Variants in ADAMTS6 observed in about 807,000 individuals in gnomAD.
ADAMTS6 encodes A disintegrin and metalloproteinase with thrombospondin motifs 6.
ADAMTS6 carries 23 observed loss-of-function variants against 144.3 expected under a neutral mutation model. That is an observed-to-expected ratio of 0.16 (90% confidence interval 0.11 to 0.23). The LOEUF (loss-of-function observed/expected upper bound fraction) is 0.23. Among genes scored for constraint, ADAMTS6 ranks in the 10% least tolerant of loss-of-function variants. The pLI is 1.00. For missense variants in ADAMTS6, 999 were observed against 1,379.6 expected (o/e 0.72, Z 4.37); for synonymous variants, 444 against 457.5 (o/e 0.97, Z 0.38).
At chr5:65,479,895 G>A (rs1324535952) in intron 1 of ADAMTS6, among the ~76,000 whole-genome samples, 1 of 152,158 alleles carries the variant, frequency 6.6e-6, no homozygotes, top group Non-Finnish European at 1.5e-5. Flanking sequence ...TGTGGCAAAT[G>A]AATGAATTTG....
At chr5:65,275,634 C>T (rs1762474196) in intron 11 of ADAMTS6, among the ~76,000 whole-genome samples, 2 of 151,508 alleles carry the variant, frequency 1.3e-5, no homozygotes, top group African/African-American at 4.8e-5. Flanking sequence ...TTTAAACCTG[C>T]AGGTTCTGCA....
At chr5:65,474,528 T>C (rs955971717) in intron 1 of ADAMTS6, among the ~76,000 whole-genome samples, 1 of 152,066 alleles carries the variant, frequency 6.6e-6, no homozygotes, top group Non-Finnish European at 1.5e-5. Flanking sequence ...TCGGAAGTCT[T>C]ATGTGACTTA....
chr5:65,383,678 C>CT (rs1304110739), intron 7 of ADAMTS6, among the ~76,000 whole-genome samples: 1 of 152,132 alleles, frequency 6.6e-6, no homozygotes, highest in Non-Finnish European at 1.5e-5. Context: ...TTTGATTCCT[C>CT]TACTGCTCTG....
At chr5:65,285,178 T>C (rs1763270556) in intron 11 of ADAMTS6, among the ~76,000 whole-genome samples, 1 of 152,198 alleles carries the variant, frequency 6.6e-6, no homozygotes. Context: ...TTATGTTATT[T>C]TCTGGCATCT....
rs548469278 is a variant in ADAMTS6 at position 65,350,057 on chromosome 5, C to T, written c.1074-15972G>A. 4.6e-5 allele frequency among the ~76,000 whole-genome samples: 7 copies of T among 152,238 alleles called. No homozygotes were observed. The South Asian group carries it at 1.5e-3, about 32-fold the overall frequency. ...TTTCTTCACTCAGAATTCAAAAATG[C>T]TAAAATACGTGTTTACTAATGAGCT... On this transcript the variant is annotated intron_variant, in intron 7 of 24. Transcript: ENST00000381055.
At chr5:65,364,578 T>G (rs1424708614) in intron 7 of ADAMTS6, among the ~76,000 whole-genome samples, 1 of 148,420 alleles carries the variant, frequency 6.7e-6, no homozygotes, top group Non-Finnish European at 1.5e-5. Flanking sequence ...TTTTTTTTTT[T>G]TTTTTTGGGA....
At chr5:65,469,366 T>C (rs899915238) in intron 3 of ADAMTS6, among the ~76,000 whole-genome samples, 1 of 152,182 alleles carries the variant, frequency 6.6e-6, no homozygotes, top group Non-Finnish European at 1.5e-5. Context: ...GCTCATTTCA[T>C]CACCCTGTTA....
intron 7 of ADAMTS6, among the ~76,000 whole-genome samples, chr5:65,390,358 A>G (rs1040498553): frequency 1.3e-5 from 2 of 152,222 alleles, no homozygotes; most frequent in African/African-American, 2.4e-5. Flanking sequence ...TAAAAAAGGC[A>G]TTGATAGAGT....
At chr5:65,312,325 T>A (rs1744573523) in intron 9 of ADAMTS6, among the ~76,000 whole-genome samples, 1 of 152,000 alleles carries the variant, frequency 6.6e-6, no homozygotes. Flanking sequence ...TTTAGAATGA[T>A]TTTCCATTAG....
chr5:65,189,036 G>A (rs1395587902), intron 21 of ADAMTS6, among the ~76,000 whole-genome samples: 1 of 152,182 alleles, frequency 6.6e-6, no homozygotes, highest in Non-Finnish European at 1.5e-5. Context: ...GCAGAGCTCT[G>A]AGCTAGCTCT....
intron 7 of ADAMTS6, among the ~76,000 whole-genome samples, chr5:65,441,694 T>C (rs1289798943): frequency 3.3e-5 from 5 of 151,916 alleles, no homozygotes; most frequent in African/African-American, 9.7e-5. Flanking sequence ...CAAGTCTCAA[T>C]AAACTAAAAA....
chr5:65,400,449 C>T (rs1282557044), intron 7 of ADAMTS6, among the ~76,000 whole-genome samples: 1 of 152,136 alleles, frequency 6.6e-6, no homozygotes, highest in Non-Finnish European at 1.5e-5. Flanking sequence ...CTCCTTGCTT[C>T]AAGCAAGCCT....
chr5:65,457,406 A>G (rs1006195582), intron 4 of ADAMTS6, among the ~76,000 whole-genome samples: 3 of 152,216 alleles, frequency 2.0e-5, no homozygotes, highest in Non-Finnish European at 2.9e-5. Context: ...AGTAATCCAA[A>G]TAAGAGATGG....
intron 3 of ADAMTS6, among the ~76,000 whole-genome samples, chr5:65,465,366 T>G (rs561892814): frequency 1.3e-5 from 2 of 152,298 alleles, no homozygotes. Flanking sequence ...TCTATTCCCC[T>G]AGCTAAAGGT....
chr5:65,366,100 A>G (rs1281499880), intron 7 of ADAMTS6, among the ~76,000 whole-genome samples: 1 of 152,200 alleles, frequency 6.6e-6, no homozygotes, highest in African/African-American at 2.4e-5. Context: ...TTTAAAACCA[A>G]TCATTGCATC....
At chr5:65,228,974 T>C (rs1347572363) in intron 15 of ADAMTS6, among the ~76,000 whole-genome samples, 1 of 152,162 alleles carries the variant, frequency 6.6e-6, no homozygotes, top group African/African-American at 2.4e-5. Context: ...ACCTCATAAC[T>C]AGTCAACAGT....
intron 20 of ADAMTS6, 139 bp from the exon 21 acceptor site, chr5:65,197,290 A>C: frequency 1.4e-6 from 1 of 707,858 alleles, no homozygotes; most frequent in Non-Finnish European, 2.0e-6. Flanking sequence ...TGCTTCTCTA[A>C]AATGGAGAGA....
intron 7 of ADAMTS6, among the ~76,000 whole-genome samples, chr5:65,403,212 TTCTG>T (rs779439284): frequency 1.3e-5 from 2 of 152,150 alleles, no homozygotes; most frequent in Non-Finnish European, 1.5e-5. Flanking sequence ...TAGCTGCTTT[TTCTG>T]TCTGCTTTCT....
intron 15 of ADAMTS6, among the ~76,000 whole-genome samples, chr5:65,228,714 G>GCCTT (rs1442144218): frequency 2.0e-5 from 3 of 152,178 alleles, no homozygotes; most frequent in Non-Finnish European, 2.9e-5. Context: ...ACCCTCCCCA[G>GCCTT]CCTTTGATTC....
Sources: allele counts gnomAD v4.1 joint callset (sites outside exome capture counted in the v4.1 genomes callset), GRCh38; gene constraint gnomAD v4.1.1; transcripts MANE v1.5; gene names NCBI Gene and HGNC (gene_info 2026-07-23, HGNC 2026-07-21).